The following NEK7 variants were observed in gnomAD, a reference collection of about 807,000 sequenced individuals.
The protein encoded by NEK7 is NIMA related kinase 7.
In NEK7, 18 loss-of-function variants were observed where a neutral mutation model predicts 44.6. That is an observed-to-expected ratio of 0.40 (90% CI 0.28 to 0.60). The LOEUF is 0.60. Among genes scored for constraint, NEK7 ranks in the 20% least tolerant of loss-of-function variants. NEK7 has a pLI of 0.38. For synonymous variants in NEK7, 130 were observed against 121.1 expected (o/e 1.07, Z -0.48); for missense variants, 256 against 366.5 (o/e 0.70, Z 2.46).
At chr1:198,163,984 TA>T (rs1354288320) in intron 1 of NEK7, among the ~76,000 whole-genome samples, 4 of 152,218 alleles carry the variant, frequency 2.6e-5, no homozygotes, top group African/African-American at 9.6e-5. Flanking sequence ...CTCACACCTG[TA>T]ATCCCAGCGC....
At chr1:198,223,401 T>C (rs1216460809) in intron 1 of NEK7, among the ~76,000 whole-genome samples, 1 of 152,198 alleles carries the variant, frequency 6.6e-6, no homozygotes, top group Non-Finnish European at 1.5e-5. Flanking sequence ...TTTTAAAATG[T>C]CCTTGATGAA....
intron 9 of NEK7, among the ~76,000 whole-genome samples, chr1:198,305,040 A>AT (rs1272353257): frequency 1.3e-5 from 2 of 152,124 alleles, no homozygotes; most frequent in African/African-American, 4.8e-5. Flanking sequence ...CAAAGTAGAC[A>AT]TTTTTTACAA....
At chr1:198,242,680 T>C (rs1404570062) in intron 2 of NEK7, among the ~76,000 whole-genome samples, 1 of 151,834 alleles carries the variant, frequency 6.6e-6, no homozygotes, top group African/African-American at 2.4e-5. Flanking sequence ...GCCAGGATGG[T>C]CTCGATCTCC....
intron 2 of NEK7, among the ~76,000 whole-genome samples, chr1:198,247,515 G>A (rs1558075957): frequency 6.6e-6 from 1 of 152,168 alleles, no homozygotes; most frequent in South Asian, 2.1e-4. Flanking sequence ...TTGTGGGGAC[G>A]AAAATGGGAC....
At chr1:198,240,938 C>T (rs1666668378) in intron 2 of NEK7, among the ~76,000 whole-genome samples, 1 of 152,192 alleles carries the variant, frequency 6.6e-6, no homozygotes, top group African/African-American at 2.4e-5. Context: ...TGTGATCCAC[C>T]CGCCTTGGCC....
chr1:198,167,739 TTCTC>T (rs1339475763), intron 1 of NEK7, among the ~76,000 whole-genome samples: 2 of 152,188 alleles, frequency 1.3e-5, no homozygotes, highest in Non-Finnish European at 2.9e-5. Flanking sequence ...CTACCTGTAG[TTCTC>T]TATCTTGTTT....
chr1:198,214,618 T>A (rs913983657), intron 1 of NEK7, among the ~76,000 whole-genome samples: 2 of 152,038 alleles, frequency 1.3e-5, no homozygotes, highest in African/African-American at 4.8e-5. Context: ...ATTAACCCAG[T>A]CAGACAAAAA....
chr1:198,200,804 GCCTCCCAAAGTGT>G (rs1301333881), intron 1 of NEK7, among the ~76,000 whole-genome samples: 1 of 152,118 alleles, frequency 6.6e-6, no homozygotes, highest in African/African-American at 2.4e-5. Context: ...GCCTGCCTCG[GCCTCCCAAAGTGT>G]TGGGATTACA....
intron 7 of NEK7, among the ~76,000 whole-genome samples, chr1:198,287,897 G>T (rs951473507): frequency 3.3e-5 from 5 of 152,112 alleles, no homozygotes; most frequent in African/African-American, 4.8e-5. Context: ...TTGTAATATT[G>T]CCAGCAGAGT....
chr1:198,245,316 G>A (rs1666806323), intron 2 of NEK7: 1 of 169,202 alleles, frequency 5.9e-6, no homozygotes. Context: ...TTGTATAAAC[G>A]AGTAATTAAA....
intron 1 of NEK7, chr1:198,197,943 G>A: frequency 1.3e-6 from 2 of 1,512,906 alleles, no homozygotes; most frequent in Admixed American, 3.5e-5. Context: ...GGCATCCAGG[G>A]GCAGGTGGTG....
chr1:198,185,190 A>ATTTTT (rs919588030), intron 1 of NEK7, among the ~76,000 whole-genome samples: 129 of 83,578 alleles, frequency 1.5e-3, no homozygotes, highest in Non-Finnish European at 1.8e-3. Flanking sequence ...CATGCTGTCT[A>ATTTTT]TTTTTTTTTT....
chr1:198,256,617 T>C, intron 3 of NEK7: 2 of 1,116,596 alleles, frequency 1.8e-6, no homozygotes, highest in Non-Finnish European at 2.5e-6. Context: ...CAGTATTTAT[T>C]GGCCACCTAG....
At chr1:198,305,726 T>C (rs1372472011) in intron 9 of NEK7, among the ~76,000 whole-genome samples, 1 of 152,168 alleles carries the variant, frequency 6.6e-6, no homozygotes, top group Non-Finnish European at 1.5e-5. Context: ...AGTAGGCCTG[T>C]GTCTTATTGG....
chr1:198,321,209 C>T lies in NEK7; in HGVS notation c.*1687C>T, dbSNP rs550789737. The T allele has an allele frequency of 6.6e-6, 1 of 152,202 alleles. No individual in the cohort carries two copies. The highest frequency in any genetic ancestry group is 1.9e-4 in the East Asian group (1 of 5,186). 9.4% of individuals were successfully genotyped at this position (152,202 alleles called of 1,614,324 possible). ...GTATAAAGGGCAAAAAGTCTGAACC[C>T]TTGTTTTCTGAAATCTAATCAGTTA... On this transcript the variant is annotated 3_prime_UTR_variant, in exon 10 of 10. Coordinates refer to ENST00000367385, the MANE Select transcript of NEK7 (RefSeq NM_133494.3).
At chr1:198,314,144 T>C (rs934755827) in intron 9 of NEK7, among the ~76,000 whole-genome samples, 16 of 152,196 alleles carry the variant, frequency 1.1e-4, no homozygotes, top group African/African-American at 3.9e-4. Context: ...TTTTATTCTT[T>C]TTTCTCTAAA....
chr1:198,241,632 G>T (rs1229696966), intron 2 of NEK7, among the ~76,000 whole-genome samples: 2 of 152,208 alleles, frequency 1.3e-5, no homozygotes, highest in Non-Finnish European at 2.9e-5. Context: ...GAAGGACATA[G>T]CTTAGCATGG....
At chr1:198,169,945 C>T (rs928716459) in intron 1 of NEK7, among the ~76,000 whole-genome samples, 4 of 151,914 alleles carry the variant, frequency 2.6e-5, no homozygotes, top group Non-Finnish European at 5.9e-5. Flanking sequence ...CAGATGACTG[C>T]TTCCCAGAGA....
At chr1:198,284,783 T>C (rs1654318200) in intron 7 of NEK7, among the ~76,000 whole-genome samples, 1 of 152,174 alleles carries the variant, frequency 6.6e-6, no homozygotes, top group Non-Finnish European at 1.5e-5. Context: ...ATTTTATATA[T>C]TCCAAATATA....
Sources: gnomAD v4.1 joint callset for allele counts (sites outside exome capture counted in the v4.1 genomes callset) on GRCh38, gnomAD v4.1.1 for gene constraint, MANE v1.5 for transcripts, NCBI Gene and HGNC (gene_info 2026-07-23, HGNC 2026-07-21) for gene names.